The following ATP11A variants were observed in gnomAD, a reference collection of about 807,000 sequenced individuals.
The protein encoded by ATP11A is ATPase phospholipid transporting 11A.
Under a neutral mutation model 154.4 loss-of-function variants are expected in ATP11A, and 81 were observed. The observed-to-expected ratio is 0.52, with a 90% CI of 0.44 to 0.63. The LOEUF (loss-of-function observed/expected upper bound fraction) is 0.63. Ranked by LOEUF, ATP11A falls within the 30% of genes least tolerant of loss-of-function variation. ATP11A has a pLI of 0.00. For missense variants in ATP11A, 1,316 were observed against 1,474.3 expected, an observed-to-expected ratio of 0.89 and a Z score of 1.76; for synonymous variants, 623 against 585.9, an observed-to-expected ratio of 1.06 and a Z score of -0.91.
At chr13:112,755,762 T>C (rs1212464502) in intron 1 of ATP11A, among the ~76,000 whole-genome samples, 2 of 147,394 alleles carry the variant, frequency 1.4e-5, no homozygotes, top group African/African-American at 5.1e-5. Context: ...TCAGAGCGGC[T>C]CCCAGAACCA....
intron 1 of ATP11A, among the ~76,000 whole-genome samples, chr13:112,775,393 G>A (rs2077323736): frequency 6.6e-6 from 1 of 152,176 alleles, no homozygotes; most frequent in Admixed American, 6.5e-5. Flanking sequence ...CCACAGTCGG[G>A]GGGCCGCTGA....
chr13:112,777,798 T>C (rs2077384130), intron 1 of ATP11A, among the ~76,000 whole-genome samples: 1 of 152,194 alleles, frequency 6.6e-6, no homozygotes, highest in Non-Finnish European at 1.5e-5. Context: ...AGAAGGGATG[T>C]GAGACTTCCT....
intron 29 of ATP11A, among the ~76,000 whole-genome samples, chr13:112,879,709 A>C (rs1191869882): frequency 6.6e-6 from 1 of 152,208 alleles, no homozygotes; most frequent in African/African-American, 2.4e-5. Flanking sequence ...CCCGGCGCAC[A>C]CGGGAACACG....
Position 112,875,770 on chromosome 13 carries a change from C to G in ATP11A, c.3162-6C>G, listed in dbSNP as rs746761759. 1 of 1,612,604 alleles carries G rather than the reference C, an allele frequency of 6.2e-7. No individual in the cohort carries two copies. Among genetic ancestry groups the G allele is most frequent in the South Asian group, 1.1e-5 (1 of 90,980 alleles). On this transcript the variant is annotated splice_polypyrimidine_tract_variant and splice_region_variant and intron_variant, in intron 27 of 29. Transcript: ENST00000375645. This position sits in a 1 kb window ranked among gnomAD's most constrained non-coding sequence, Gnocchi z 4.1. ...TCACCAGCGGCTTCTCTTCCCTGCC[C>G]CTCAGGCCGTTCCTCAACTACCAGA...
chr13:112,877,556 G>A (rs1246794804), intron 28 of ATP11A, among the ~76,000 whole-genome samples: 1 of 152,238 alleles, frequency 6.6e-6, no homozygotes, highest in Non-Finnish European at 1.5e-5. Flanking sequence ...GAGAGCAGGT[G>A]CAGCTTGGGG....
At chr13:112,802,661 A>G (rs1171999881) in intron 2 of ATP11A, among the ~76,000 whole-genome samples, 2 of 152,166 alleles carry the variant, frequency 1.3e-5, no homozygotes, top group Non-Finnish European at 2.9e-5. Flanking sequence ...TAAAATGTAT[A>G]ATAATGAAAC....
At chr13:112,873,852 C>G (rs1014033056) in intron 27 of ATP11A, among the ~76,000 whole-genome samples, 176 bp downstream of exon 27, 1 of 151,752 alleles carries the variant, frequency 6.6e-6, no homozygotes. Flanking sequence ...GGCAAGACAC[C>G]GGGGGGTTCC....
At chr13:112,817,823 A>G (rs1267154168) in intron 6 of ATP11A, among the ~76,000 whole-genome samples, 1 of 152,130 alleles carries the variant, frequency 6.6e-6, no homozygotes, top group Admixed American at 6.5e-5. Context: ...CTTTTTGTGC[A>G]TTTTGTTTAG....
At chr13:112,749,363 CTTTTA>C (rs2076635924) in intron 1 of ATP11A, among the ~76,000 whole-genome samples, 2 of 152,220 alleles carry the variant, frequency 1.3e-5, no homozygotes, top group Admixed American at 6.5e-5. Context: ...AGCATTCTAA[CTTTTA>C]TTTTAAAAGT....
intron 2 of ATP11A, among the ~76,000 whole-genome samples, chr13:112,802,105 G>A (rs535755617): frequency 1.3e-4 from 20 of 152,288 alleles, no homozygotes; most frequent in Admixed American, 1.2e-3. Context: ...AGCACTTTGG[G>A]AGGCCGAGGC....
chr13:112,844,797 T>TCCTAACCAGTCCATTTGCCGGGC (rs1465849786), intron 17 of ATP11A, among the ~76,000 whole-genome samples: 1 of 123,844 alleles, frequency 8.1e-6, no homozygotes, highest in Non-Finnish European at 1.6e-5. Context: ...TTGCCGGGTG[T>TCCTAACCAGTCCATTTGCCGGGC]TAGTGGTACT....
intron 12 of ATP11A, 113 bp from the exon 13 acceptor site, chr13:112,831,262 C>G: frequency 8.6e-7 from 1 of 1,165,484 alleles, no homozygotes. Context: ...AGAAATCCAC[C>G]GCCTATTCAA....
chr13:112,807,834 C>T lies in ATP11A; in HGVS notation c.333+1541C>T, dbSNP rs991583386. On this transcript the variant is annotated intron_variant, in intron 4 of 29. Coordinates refer to ENST00000375645, the MANE Select transcript of ATP11A (RefSeq NM_015205.3). The surrounding 1 kb of genome is among the most constrained non-coding windows in gnomAD (Gnocchi z 4.5). ...AGACCCCTGAGCCTCTCAAGGGGAGCAGAGAGAAGGGGCGCGGGGGTGCAG... is the reference window on the plus strand; with the variant it reads ...AGACCCCTGAGCCTCTCAAGGGGAGTAGAGAGAAGGGGCGCGGGGGTGCAG... Among the ~76,000 whole-genome samples the T allele has an allele frequency of 2.0e-5, 3 of 152,074 alleles. No individual in the cohort carries two copies. The highest frequency in any genetic ancestry group is 4.4e-5 in the Non-Finnish European group (3 of 68,000).
At position 112,826,751 on chromosome 13, in the gene ATP11A, C is replaced by T; in HGVS notation, c.1081C>T (p.Pro361Ser). The part of the protein sequence containing the change: ...AFMVLFNYII[P>S]VSMYVTVEMQ... ...CATGGTCCTCTTTAACTACATCATC[C>T]CTGTGTCCATGTACGTCACGGTCGA... Residue 361 changes from proline (P) to serine (S), a missense_variant, in exon 12 of 30, where the codon CCT (proline) becomes TCT (serine). Transcript: ENST00000375645. 6.2e-7 allele frequency: 1 copy of T among 1,614,182 alleles called. No individual in the cohort carries two copies. Among genetic ancestry groups the T allele is most frequent in the Middle Eastern group, 1.6e-4 (1 of 6,062 alleles).
At chr13:112,693,805 A>C (rs1453098174) in intron 1 of ATP11A, among the ~76,000 whole-genome samples, 1 of 152,092 alleles carries the variant, frequency 6.6e-6, no homozygotes, top group African/African-American at 2.4e-5. Context: ...TACAAAAATT[A>C]GCCGGGCATG....
chr13:112,735,441 G>C (rs943807663), intron 1 of ATP11A, among the ~76,000 whole-genome samples: 1 of 152,078 alleles, frequency 6.6e-6, no homozygotes, highest in Non-Finnish European at 1.5e-5. Flanking sequence ...TGATTTCTAC[G>C]GGTTTGTCAA....
At chr13:112,698,782 C>T (rs1036196199) in intron 1 of ATP11A, among the ~76,000 whole-genome samples, 2 of 152,224 alleles carry the variant, frequency 1.3e-5, no homozygotes, top group South Asian at 4.1e-4. Context: ...GGTGCAGTGG[C>T]GCTATTTCGG....
intron 1 of ATP11A, among the ~76,000 whole-genome samples, chr13:112,707,629 A>G (rs765571468): frequency 6.6e-6 from 1 of 152,116 alleles, no homozygotes; most frequent in African/African-American, 2.4e-5. Context: ...AAAAGGTGAA[A>G]AAGCTCGGTA....
Position 112,871,734 on chromosome 13 carries a change from GA to G in ATP11A, c.2992del (p.Ile998TyrfsTer14). The G allele has an allele frequency of 6.2e-7, 1 of 1,613,586 alleles. No individual in the cohort carries two copies. The highest frequency in any genetic ancestry group is 8.5e-7 in the Non-Finnish European group (1 of 1,179,474). On this transcript the variant is annotated frameshift_variant and splice_region_variant, in exon 26 of 30. Coordinates refer to ENST00000375645, the MANE Select transcript of ATP11A (RefSeq NM_015205.3). ...TGACTTGGACTATTTTCCCCAAACA[GA>G]TATTTGGAAACTGGACGTTTGGAAC... ...ENTTVTSNGQIFGNWTFGTLV... is the reference protein window; with the variant it reads ...ENTTVTSNGQXFGNWTFGTLV...
Sources: gnomAD v4.1 joint callset for allele counts (sites outside exome capture counted in the v4.1 genomes callset) on GRCh38, gnomAD v4.1.1 for gene constraint, Gnocchi (gnomAD v3.1) non-coding constraint, MANE v1.5 for transcripts, NCBI Gene and HGNC (gene_info 2026-07-23, HGNC 2026-07-21) for gene names.